Variants in NLGN1 observed in about 807,000 individuals in gnomAD.
The protein encoded by NLGN1 is neuroligin-1.
A neutral mutation model predicts 65.5 loss-of-function variants in NLGN1; 12 were observed. That is an observed-to-expected ratio of 0.18 (90% confidence interval 0.12 to 0.30). NLGN1 has a LOEUF of 0.30. Ranked by LOEUF, NLGN1 falls within the 10% of genes least tolerant of loss-of-function variation. NLGN1 has a pLI of 1.00. For missense variants in NLGN1, 750 were observed against 1,007.1 expected (o/e 0.74, Z 3.46); for synonymous variants, 350 against 359.5 (o/e 0.97, Z 0.30).
intron 3 of NLGN1, among the ~76,000 whole-genome samples, chr3:173,728,773 C>A (rs1186151466): frequency 2.0e-5 from 3 of 151,908 alleles, no homozygotes; most frequent in Admixed American, 6.6e-5. Context: ...TGCTGGAAGC[C>A]CCCAGAAGCT....
At chr3:173,497,906 G>A (rs1730308302) in intron 2 of NLGN1, among the ~76,000 whole-genome samples, 1 of 151,706 alleles carries the variant, frequency 6.6e-6, no homozygotes, top group Admixed American at 6.6e-5. Flanking sequence ...ATATATGAAT[G>A]TATCTGATAA....
intron 1 of NLGN1, among the ~76,000 whole-genome samples, chr3:173,407,364 C>T (rs867266313): frequency 2.0e-5 from 3 of 152,106 alleles, no homozygotes; most frequent in Admixed American, 1.3e-4. Context: ...TGTGACAAAA[C>T]TGAAGTCCAG....
intron 2 of NLGN1, among the ~76,000 whole-genome samples, chr3:173,555,891 T>G (rs1741632440): frequency 6.6e-6 from 1 of 152,220 alleles, no homozygotes; most frequent in African/African-American, 2.4e-5. Flanking sequence ...ATTTATTCCT[T>G]GAATGTTTGA....
exon 7 of NLGN1, chr3:174,285,064 A>G (rs1751958143): frequency 1.3e-5 from 2 of 151,386 alleles, no homozygotes; most frequent in South Asian, 4.1e-4. Flanking sequence ...TCATCCTGAC[A>G]TACGTATTAA....
chr3:173,898,184 A>G lies in NLGN1; in HGVS notation c.646+90352A>G, dbSNP rs182594109. Among the ~76,000 whole-genome samples the G allele has an allele frequency of 1.1e-3, 171 of 152,298 alleles. 1 individual carries two copies. Among genetic ancestry groups the G allele is most frequent in the African/African-American group, 3.9e-3 (162 of 41,574 alleles). On this transcript the variant is annotated intron_variant, in intron 4 of 6. Transcript: ENST00000457714. ...CCTTGAATTGTAAGTTGTCCTGAAG[A>G]TGTGCTTTAAATTCAATGTTTTTGC...
chr3:174,275,424 C>T (rs373329830), exon 5 of NLGN1: 1 of 1,612,634 alleles, frequency 6.2e-7, no homozygotes, highest in South Asian at 1.1e-5. Flanking sequence ...GTGGTGACCC[C>T]TTAAGAATCA....
chr3:173,550,380 A>C (rs1740634346), intron 2 of NLGN1, among the ~76,000 whole-genome samples: 1 of 152,082 alleles, frequency 6.6e-6, no homozygotes, highest in Admixed American at 6.6e-5. Context: ...AGGAAGGATC[A>C]TCTGCTGTTA....
At chr3:173,687,826 A>C (rs548019369) in intron 3 of NLGN1, among the ~76,000 whole-genome samples, 2 of 152,332 alleles carry the variant, frequency 1.3e-5, no homozygotes, top group East Asian at 3.9e-4. Context: ...AATCAATGAA[A>C]GAGCCTCCCA....
intron 4 of NLGN1, among the ~76,000 whole-genome samples, chr3:174,042,799 C>T (rs957111553): frequency 1.3e-5 from 2 of 152,126 alleles, no homozygotes; most frequent in African/African-American, 4.8e-5. Context: ...AGCCACACAA[C>T]TCATAAGTGA....
chr3:173,604,649 G>C, exon 3 of NLGN1: 1 of 1,613,650 alleles, frequency 6.2e-7, no homozygotes, highest in Non-Finnish European at 8.5e-7. Context: ...GAGCAGTGAT[G>C]GCATGCTTGG....
At chr3:174,265,827 A>G (rs1400799284) in intron 4 of NLGN1, among the ~76,000 whole-genome samples, 1 of 146,410 alleles carries the variant, frequency 6.8e-6, no homozygotes, top group Admixed American at 6.9e-5. Context: ...TACAACATCT[A>G]TATATATATG....
At chr3:174,276,454 T>C (rs1750604506) in intron 5 of NLGN1, among the ~76,000 whole-genome samples, 1 of 150,848 alleles carries the variant, frequency 6.6e-6, no homozygotes, top group South Asian at 2.1e-4. Flanking sequence ...TATAAAAACG[T>C]ACACCATCTT....
intron 4 of NLGN1, among the ~76,000 whole-genome samples, chr3:173,881,872 T>G (rs1733400266): frequency 6.6e-6 from 1 of 152,216 alleles, no homozygotes; most frequent in African/African-American, 2.4e-5. Context: ...TAATGGCATA[T>G]AGAATGGTAA....
At chr3:173,553,461 A>C (rs570410039) in intron 2 of NLGN1, among the ~76,000 whole-genome samples, 22 of 152,262 alleles carry the variant, frequency 1.4e-4, no homozygotes, top group African/African-American at 4.3e-4. Context: ...GTGTAAGTGC[A>C]ATGCTTTTTC....
chr3:173,408,421 G>A (rs184804129), intron 1 of NLGN1, among the ~76,000 whole-genome samples: 25 of 152,136 alleles, frequency 1.6e-4, no homozygotes, highest in Admixed American at 3.9e-4. Flanking sequence ...GTATTCTTCC[G>A]TTTCTACTAA....
At chr3:174,025,191 A>G (rs1728614656) in intron 4 of NLGN1, among the ~76,000 whole-genome samples, 1 of 152,318 alleles carries the variant, frequency 6.6e-6, no homozygotes, top group South Asian at 2.1e-4. Context: ...ACAAATTAAC[A>G]AGTACCTAGG....
chr3:173,458,201 G>A (rs191913627), intron 2 of NLGN1, among the ~76,000 whole-genome samples: 28 of 152,010 alleles, frequency 1.8e-4, no homozygotes, highest in African/African-American at 6.7e-4. Context: ...GGGTGAGAGA[G>A]GAGGGAAATC....
intron 4 of NLGN1, among the ~76,000 whole-genome samples, chr3:173,970,187 A>C (rs1379803707): frequency 6.6e-6 from 1 of 152,150 alleles, no homozygotes; most frequent in African/African-American, 2.4e-5. Context: ...TGCACTTACG[A>C]TGTGATAACC....
intron 2 of NLGN1, among the ~76,000 whole-genome samples, chr3:173,476,313 A>G (rs1441723046): frequency 6.6e-6 from 1 of 152,248 alleles, no homozygotes; most frequent in Non-Finnish European, 1.5e-5. Context: ...GAGTTTCCTT[A>G]TATTATTCTG....
Sources: allele counts gnomAD v4.1 joint callset (sites outside exome capture counted in the v4.1 genomes callset), GRCh38; gene constraint gnomAD v4.1.1; transcripts MANE v1.5; gene names NCBI Gene and HGNC (gene_info 2026-07-23, HGNC 2026-07-21).